The following UNC5C variants were observed in gnomAD, a reference collection of about 807,000 sequenced individuals.
UNC5C encodes the protein unc-5 netrin receptor C, also known as netrin receptor UNC5C.
UNC5C carries 47 observed loss-of-function variants against 99.8 expected under a neutral mutation model. The observed-to-expected ratio is 0.47, with a 90% confidence interval of 0.37 to 0.60. UNC5C has a LOEUF of 0.60. Ranked by LOEUF, UNC5C falls within the 20% of genes least tolerant of loss-of-function variation. The pLI is 0.00. For missense variants in UNC5C, 1,062 were observed against 1,165.9 expected (o/e 0.91, Z 1.30); for synonymous variants, 487 against 452.2 (o/e 1.08, Z -0.98).
intron 11 of UNC5C, among the ~76,000 whole-genome samples, chr4:95,203,605 G>C (rs1321552690): frequency 6.6e-6 from 1 of 152,028 alleles, no homozygotes; most frequent in Non-Finnish European, 1.5e-5. Context: ...AAGTAGCTGG[G>C]ACCACAGGTG....
In UNC5C at chr4:95,548,962, C is replaced by T; in HGVS notation, c.-105G>A. The T allele has an allele frequency of 1.4e-6, 2 of 1,453,784 alleles. No individual in the cohort carries two copies. Among genetic ancestry groups the T allele is most frequent in the South Asian group, 1.3e-5 (1 of 76,554 alleles). The allele number at this position is 1,453,784 out of a possible 1,614,324, so 90.1% of individuals were successfully genotyped here. A position where few individuals can be genotyped will look rare whatever the true frequency, so the allele number is the denominator to read the frequency against. Reference sequence around the variant, plus strand: ...TGAATCCGTGCACCGCGAAGCAGTCCGAAGAAATAACGACAACCAAGCGCC... The same window carrying T: ...TGAATCCGTGCACCGCGAAGCAGTCTGAAGAAATAACGACAACCAAGCGCC... On this transcript the variant is annotated 5_prime_UTR_variant, in exon 1 of 16. Transcript: ENST00000453304.
rs560013369 is a variant in UNC5C, at chr4:95,392,937, C to T, written c.125-57306G>A. The stretch of plus-strand genomic sequence containing the variant: ...GTGATTATCTAAAAGTAAAAGTCTC[C>T]CATAAGACTATAAAAAAGACATATA... On this transcript the variant is annotated intron_variant, in intron 1 of 15. Transcript: ENST00000453304. Among the ~76,000 whole-genome samples the T allele has an allele frequency of 5.3e-5, 8 of 152,132 alleles. No homozygotes were observed. In the South Asian group the frequency reaches 1.5e-3, roughly 28 times the overall value.
At chr4:95,468,577 G>A (rs937570657) in intron 1 of UNC5C, among the ~76,000 whole-genome samples, 3 of 152,162 alleles carry the variant, frequency 2.0e-5, no homozygotes, top group Admixed American at 2.0e-4. Flanking sequence ...ACTGTTTGAG[G>A]CTTGATGGCT....
intron 1 of UNC5C, among the ~76,000 whole-genome samples, chr4:95,376,983 T>A (rs1233597822): frequency 2.0e-5 from 3 of 152,094 alleles, no homozygotes; most frequent in Non-Finnish European, 4.4e-5. Context: ...CTAATATCAT[T>A]CTCCACTTGC....
chr4:95,311,708 A>G (rs1579315874), intron 2 of UNC5C, among the ~76,000 whole-genome samples: 1 of 152,296 alleles, frequency 6.6e-6, no homozygotes, highest in East Asian at 1.9e-4. Flanking sequence ...ACTATGTGAC[A>G]AGAACTTTTC....
At chr4:95,238,055 C>T (rs937830290) in intron 7 of UNC5C, among the ~76,000 whole-genome samples, 1 of 151,966 alleles carries the variant, frequency 6.6e-6, no homozygotes, top group Non-Finnish European at 1.5e-5. Context: ...TACATACATA[C>T]ATACATACAT....
At chr4:95,339,202 C>T (rs899173550) in intron 1 of UNC5C, among the ~76,000 whole-genome samples, 8 of 152,020 alleles carry the variant, frequency 5.3e-5, no homozygotes, top group East Asian at 1.9e-4. Flanking sequence ...TCTAAGCAAG[C>T]GTATTTGCAA....
intron 1 of UNC5C, among the ~76,000 whole-genome samples, chr4:95,355,474 T>C (rs1744147599): frequency 6.6e-6 from 1 of 152,126 alleles, no homozygotes; most frequent in South Asian, 2.1e-4. Flanking sequence ...TAAGCTTTAT[T>C]TCCTCCAGCA....
At chr4:95,227,862 A>G (rs1428234981) in intron 7 of UNC5C, among the ~76,000 whole-genome samples, 1 of 152,192 alleles carries the variant, frequency 6.6e-6, no homozygotes, top group African/African-American at 2.4e-5. Context: ...ATTTGGATTA[A>G]TCATAGAACC....
chr4:95,378,550 A>G (rs1180389431), intron 1 of UNC5C, among the ~76,000 whole-genome samples: 1 of 152,194 alleles, frequency 6.6e-6, no homozygotes, highest in African/African-American at 2.4e-5. Flanking sequence ...CTTTTGATGG[A>G]TCACCAGAAT....
At chr4:95,440,791 C>T (rs1746928307) in intron 1 of UNC5C, among the ~76,000 whole-genome samples, 1 of 152,160 alleles carries the variant, frequency 6.6e-6, no homozygotes, top group Non-Finnish European at 1.5e-5. Flanking sequence ...TTAAAAAGTA[C>T]TTATCAGCAA....
At chr4:95,503,212 C>T (rs1169418260) in intron 1 of UNC5C, among the ~76,000 whole-genome samples, 3 of 151,982 alleles carry the variant, frequency 2.0e-5, no homozygotes, top group Non-Finnish European at 4.4e-5. Context: ...AAAAGAGAGG[C>T]CCCTTCTTGG....
chr4:95,503,177 T>C (rs1456564485), intron 1 of UNC5C, among the ~76,000 whole-genome samples: 1 of 152,072 alleles, frequency 6.6e-6, no homozygotes, highest in African/African-American at 2.4e-5. Context: ...GAATTATTGT[T>C]GTTACTCTAG....
rs181935973 is a variant in UNC5C at position 95,415,052 on chromosome 4, C to T, written c.125-79421G>A. Among the ~76,000 whole-genome samples, 40 of 152,168 alleles carry T rather than the reference C, an allele frequency of 2.6e-4. No homozygotes were observed. In the East Asian group the frequency reaches 6.4e-3, roughly 24 times the overall value. On this transcript the variant is annotated intron_variant, in intron 1 of 15. Coordinates refer to ENST00000453304, the MANE Select transcript of UNC5C (RefSeq NM_003728.4). ...ATAAATCCATTTGAGCCTGGGCCAT[C>T]GCAGCCAAGGATTTCTTTCTTTTCT... is the stretch of plus-strand genomic sequence containing the variant.
intron 3 of UNC5C, among the ~76,000 whole-genome samples, chr4:95,281,686 T>C (rs1373903020): frequency 1.3e-5 from 2 of 152,214 alleles, no homozygotes; most frequent in African/African-American, 4.8e-5. Flanking sequence ...GTTAACTTGG[T>C]ACAAACACTG....
chr4:95,496,745 G>A (rs767397559), intron 1 of UNC5C, among the ~76,000 whole-genome samples: 1 of 151,756 alleles, frequency 6.6e-6, no homozygotes, highest in African/African-American at 2.4e-5. Flanking sequence ...ACATGGATAA[G>A]TTCTTTAATG....
At chr4:95,356,147 A>C (rs1168096880) in intron 1 of UNC5C, among the ~76,000 whole-genome samples, 2 of 140,402 alleles carry the variant, frequency 1.4e-5, no homozygotes. Context: ...CTGTGATTGC[A>C]CCACTGCACT....
Position 95,466,436 on chromosome 4 carries a change from TG to T in UNC5C, c.124+82297del, listed in dbSNP as rs557163953. Among the ~76,000 whole-genome samples, 49 of 152,284 alleles carry T rather than the reference TG, an allele frequency of 3.2e-4. 1 individual carries two copies. In the East Asian group the frequency reaches 9.1e-3, roughly 28 times the overall value. On this transcript the variant is annotated intron_variant, in intron 1 of 15. Transcript: ENST00000453304. ...TAATTAAGAGATAAATTATGATGCT[TG>T]TAACTTTTTAAATCAATCTTTAATT...
intron 1 of UNC5C, among the ~76,000 whole-genome samples, chr4:95,342,860 G>T (rs918444010): frequency 1.5e-4 from 23 of 151,934 alleles, no homozygotes; most frequent in African/African-American, 4.6e-4. Context: ...GTGAACATTG[G>T]TGGTAGTCAA....
Sources: gnomAD v4.1 joint callset for allele counts (sites outside exome capture counted in the v4.1 genomes callset) on GRCh38, gnomAD v4.1.1 for gene constraint, MANE v1.5 for transcripts, NCBI Gene and HGNC (gene_info 2026-07-23, HGNC 2026-07-21) for gene names.